Variants in QSOX1 observed in about 807,000 individuals in gnomAD.
QSOX1 encodes quiescin sulfhydryl oxidase 1.
A neutral mutation model predicts 76.1 loss-of-function variants in QSOX1; 40 were observed. The observed-to-expected ratio is 0.53, with a 90% confidence interval of 0.41 to 0.68. The LOEUF (loss-of-function observed/expected upper bound fraction) is 0.68, where lower values mean the gene tolerates loss of function less well. QSOX1 is among the 30% of genes least tolerant of loss of function. The probability of loss-of-function intolerance (pLI) is 0.00; values close to 1 mark genes in which losing one functional copy is unlikely to be tolerated. For synonymous variants in QSOX1, 392 were observed against 413.1 expected, an observed-to-expected ratio of 0.95 and a Z score of 0.62; for missense variants, 931 against 974.3, an observed-to-expected ratio of 0.96 and a Z score of 0.59.
chr1:180,168,115 T>A (rs1662673570), intron 2 of QSOX1, among the ~76,000 whole-genome samples: 1 of 152,270 alleles, frequency 6.6e-6, no homozygotes. Flanking sequence ...TTTCTGACTC[T>A]GCCTGGGAGA....
chr1:180,160,914 G>A (rs1662480323), intron 1 of QSOX1, among the ~76,000 whole-genome samples: 1 of 152,166 alleles, frequency 6.6e-6, no homozygotes, highest in East Asian at 1.9e-4. Context: ...CTAGTTATTG[G>A]AAGAAACTGG....
At chr1:180,170,057 C>T (rs960001160) in intron 2 of QSOX1, among the ~76,000 whole-genome samples, 4 of 152,196 alleles carry the variant, frequency 2.6e-5, no homozygotes, top group Non-Finnish European at 5.9e-5. Flanking sequence ...TGAGGAGACT[C>T]GTCCAGCTGG....
chr1:180,179,379 C>T (rs1279483403), intron 5 of QSOX1, among the ~76,000 whole-genome samples: 3 of 152,232 alleles, frequency 2.0e-5, no homozygotes, highest in African/African-American at 7.2e-5. Context: ...ACCCAGATGC[C>T]GGTCTGTCTC....
At chr1:180,175,874 G>A in intron 3 of QSOX1, 57 bp from the exon 4 acceptor site, 1 of 1,368,292 alleles carries the variant, frequency 7.3e-7, no homozygotes, top group Non-Finnish European at 1.0e-6. Flanking sequence ...TGGCCAGTGT[G>A]CTGTGGAAGC....
intron 7 of QSOX1, among the ~76,000 whole-genome samples, chr1:180,184,717 G>A (rs1663127517): frequency 6.6e-6 from 1 of 152,244 alleles, no homozygotes; most frequent in South Asian, 2.1e-4. Flanking sequence ...GGAAATGTCT[G>A]ACCAGGGAGC....
intron 10 of QSOX1, among the ~76,000 whole-genome samples, chr1:180,192,606 C>T (rs764291367): frequency 6.6e-5 from 10 of 152,004 alleles, no homozygotes; most frequent in African/African-American, 1.7e-4. Flanking sequence ...AAGCAGGACT[C>T]GGGTGGACTC....
rs1662342866 is a variant in QSOX1, at chr1:180,155,086, C to T, written c.179C>T (p.Ala60Val). The change falls in exon 1 of 12, where the codon GCC (alanine) becomes GTC (valine). Residue 60 changes from alanine to valine, a missense_variant. Transcript: ENST00000367602. ...VRGAVLGSRS[A>V]WAVEFFASWC... ...GGCGCGGTGCTGGGCTCCCGCAGCG[C>T]CTGGGCCGTGGAGTTCTTCGCCTCC... The T allele has an allele frequency of 5.9e-6, 9 of 1,522,466 alleles. No individual in the cohort carries two copies. Among genetic ancestry groups the T allele is most frequent in the Non-Finnish European group, 7.9e-6 (9 of 1,140,926 alleles). The allele number at this position is 1,522,466 out of a possible 1,614,324, so 94.3% of individuals were successfully genotyped here.
At chr1:180,195,874 T>C (rs1663468309) in intron 11 of QSOX1, among the ~76,000 whole-genome samples, 1 of 152,220 alleles carries the variant, frequency 6.6e-6, no homozygotes, top group African/African-American at 2.4e-5. Context: ...GACCAAAGAC[T>C]GCAAAACAGA....
At chr1:180,174,132 A>G (rs1662823651) in intron 2 of QSOX1, among the ~76,000 whole-genome samples, 1 of 152,272 alleles carries the variant, frequency 6.6e-6, no homozygotes, top group South Asian at 2.1e-4. Context: ...AGAGTCCCAC[A>G]GGAAGAAGCC....
rs1174598925 is a variant in QSOX1 at position 180,184,066 on chromosome 1, G to A, written c.887+16G>A. On this transcript the variant is annotated intron_variant, in intron 7 of 11. Transcript: ENST00000367602. The stretch of plus-strand genomic sequence containing the variant: ...TGGCAGATCGGTAAGGCTACGCCTG[G>A]TTCTCCTCACTTCTTCTCCTTCCTC... The A allele has an allele frequency of 7.4e-6, 12 of 1,613,378 alleles. No homozygotes were observed. The highest frequency in any genetic ancestry group is 9.3e-6 in the Non-Finnish European group (11 of 1,179,604).
chr1:180,186,009 T>C (rs1235120194), intron 7 of QSOX1, 44 bp from the exon 8 acceptor site: 19 of 1,605,778 alleles, frequency 1.2e-5, no homozygotes, highest in Admixed American at 1.7e-5. Context: ...CCCTGCACCA[T>C]GGTTAATACT....
In QSOX1 at chr1:180,176,025, G is replaced by A. The variant is rs1662883188; in HGVS notation, c.507G>A (p.Glu169=). ...GGCCCCCAGCCTGTCCCCCACTGGA[G>A]CCTGCCAAGTACTTTGGGCTGGGGC... ...DTWPPACPPL[E]PAKLEEIDGF... is the part of the protein sequence containing the mutation. Residue 169 remains glutamate (E), a synonymous_variant, in exon 4 of 12, where the codon GAG becomes GAA. Coordinates refer to ENST00000367602, the MANE Select transcript of QSOX1 (RefSeq NM_002826.5). The A allele has an allele frequency of 1.3e-6, 2 of 1,592,046 alleles. No homozygotes were observed. The highest frequency in any genetic ancestry group is 1.7e-6 in the Non-Finnish European group (2 of 1,169,482).
At chr1:180,160,754 G>T (rs538801937) in intron 1 of QSOX1, among the ~76,000 whole-genome samples, 26 of 152,184 alleles carry the variant, frequency 1.7e-4, no homozygotes, top group Non-Finnish European at 3.4e-4. Flanking sequence ...ATTGTCTCTG[G>T]TTATGGCATT....
At chr1:180,166,442 A>G in intron 1 of QSOX1, 49 bp from the exon 2 acceptor site, 1 of 1,477,120 alleles carries the variant, frequency 6.8e-7, no homozygotes, top group Non-Finnish European at 9.5e-7. Flanking sequence ...GGGCGGGCAG[A>G]GGGGGTACCA....
intron 1 of QSOX1, among the ~76,000 whole-genome samples, chr1:180,158,394 G>C (rs963876718): frequency 6.6e-6 from 1 of 152,252 alleles, no homozygotes; most frequent in African/African-American, 2.4e-5. Context: ...CTGGTGCAGA[G>C]TAGGAGCCCA....
intron 11 of QSOX1, among the ~76,000 whole-genome samples, chr1:180,195,061 C>T (rs983820056): frequency 6.6e-6 from 1 of 151,898 alleles, no homozygotes; most frequent in Admixed American, 6.6e-5. Flanking sequence ...GTGGTGCAGG[C>T]GCCTGCACTT....
intron 4 of QSOX1, among the ~76,000 whole-genome samples, chr1:180,178,096 AC>A (rs980034479): frequency 1.3e-5 from 2 of 151,538 alleles, no homozygotes; most frequent in Non-Finnish European, 2.9e-5. Context: ...GGGTTCTAAT[AC>A]CCCCCAGCTC....
intron 6 of QSOX1, among the ~76,000 whole-genome samples, chr1:180,183,335 T>G (rs926546522): frequency 6.6e-6 from 1 of 151,282 alleles, no homozygotes; most frequent in Admixed American, 6.6e-5. Context: ...AGGTATCCCG[T>G]GCCCTGGAGG....
chr1:180,182,845 C>G (rs1215290927), intron 6 of QSOX1, among the ~76,000 whole-genome samples: 9 of 152,250 alleles, frequency 5.9e-5, no homozygotes, highest in Non-Finnish European at 1.5e-5. Context: ...TTGGTGCCCT[C>G]CCTGGGCAGA....
Sources: gnomAD v4.1 joint callset for allele counts (sites outside exome capture counted in the v4.1 genomes callset) on GRCh38, gnomAD v4.1.1 for gene constraint, MANE v1.5 for transcripts, NCBI Gene and HGNC (gene_info 2026-07-23, HGNC 2026-07-21) for gene names.